The following RAP1B variants were observed in gnomAD, a reference collection of about 807,000 sequenced individuals.
RAP1B encodes RAP1B, member of RAS oncogene family, also known as ras-related protein Rap-1b.
In RAP1B, 1 loss-of-function variant was observed where a neutral mutation model predicts 27.5. That is an observed-to-expected ratio of 0.04 (90% CI 0.01 to 0.17). The LOEUF (loss-of-function observed/expected upper bound fraction) is 0.17, where lower values mean the gene tolerates loss of function less well. Ranked by LOEUF, RAP1B falls within the 10% of genes least tolerant of loss-of-function variation. RAP1B has a pLI of 1.00. For missense variants in RAP1B, 84 were observed against 214.8 expected, an observed-to-expected ratio of 0.39 and a Z score of 3.81; for synonymous variants, 75 against 73.1, an observed-to-expected ratio of 1.03 and a Z score of -0.13.
chr12:68,626,364 T>C (rs1871779824), intron 1 of RAP1B, among the ~76,000 whole-genome samples: 1 of 152,232 alleles, frequency 6.6e-6, no homozygotes, highest in Admixed American at 6.5e-5. Context: ...GTGAAAGTAG[T>C]TATTTTCCCT....
At chr12:68,626,880 A>T in intron 1 of RAP1B, 1 of 1,576,540 alleles carries the variant, frequency 6.3e-7, no homozygotes, top group Non-Finnish European at 8.6e-7. Context: ...TCATGAGTGC[A>T]GGGCCCGCCA....
At chr12:68,656,084 T>C (rs1038478155) in intron 5 of RAP1B, among the ~76,000 whole-genome samples, 9 of 152,170 alleles carry the variant, frequency 5.9e-5, no homozygotes. Context: ...CGTTTGCATC[T>C]CCATGAAAAG....
intron 7 of RAP1B, among the ~76,000 whole-genome samples, chr12:68,658,745 T>C (rs1266103853): frequency 6.6e-6 from 1 of 152,212 alleles, no homozygotes. Context: ...ATGAAATAAA[T>C]TCTATTTGTC....
chr12:68,618,315 C>T (rs1871166044), intron 1 of RAP1B, among the ~76,000 whole-genome samples: 1 of 151,642 alleles, frequency 6.6e-6, no homozygotes, highest in East Asian at 2.0e-4. Context: ...GTCTCGAACT[C>T]CTCACCTTGT....
intron 1 of RAP1B, among the ~76,000 whole-genome samples, chr12:68,642,020 TAA>T (rs1177965299): frequency 6.6e-6 from 1 of 152,214 alleles, no homozygotes; most frequent in Admixed American, 6.5e-5. Context: ...TTGATAACAT[TAA>T]GTTCATTTCG....
chr12:68,651,485 A>G (rs1873811641), intron 3 of RAP1B, among the ~76,000 whole-genome samples: 1 of 152,178 alleles, frequency 6.6e-6, no homozygotes, highest in Non-Finnish European at 1.5e-5. Context: ...GAAATATTAG[A>G]TGGAAAGGGG....
intron 2 of RAP1B, 56 bp downstream of exon 2, chr12:68,648,837 G>T (rs1323359120): frequency 1.7e-5 from 25 of 1,471,984 alleles, no homozygotes; most frequent in Non-Finnish European, 2.1e-5. Flanking sequence ...TTTTTCTGTT[G>T]AGTTTTAGGT....
intron 3 of RAP1B, among the ~76,000 whole-genome samples, chr12:68,651,131 TG>T (rs1393480235): frequency 6.6e-6 from 1 of 152,250 alleles, no homozygotes; most frequent in South Asian, 2.1e-4. Context: ...TGTAGCGTGA[TG>T]TTCCACACAT....
chr12:68,627,443 G>C, intron 1 of RAP1B: 2 of 389,664 alleles, frequency 5.1e-6, no homozygotes, highest in South Asian at 5.6e-5. Context: ...ACTAATAATA[G>C]TGTTAGGAGT....
chr12:68,657,213 G>C lies in RAP1B; in HGVS notation c.*26G>C. On this transcript the variant is annotated 3_prime_UTR_variant, in exon 7 of 8. Coordinates refer to ENST00000250559, the MANE Select transcript of RAP1B (RefSeq NM_001010942.3). ...TATACTAAATGCATTGTAGCTCTGAGCCAGGTATGTTCACTTATCTTTCCT... is the reference window on the plus strand; with the variant it reads ...TATACTAAATGCATTGTAGCTCTGACCCAGGTATGTTCACTTATCTTTCCT... 6.4e-7 allele frequency: 1 copy of C among 1,565,762 alleles called. No homozygotes were observed. Among genetic ancestry groups the C allele is most frequent in the Non-Finnish European group, 8.8e-7 (1 of 1,137,272 alleles).
intron 1 of RAP1B, among the ~76,000 whole-genome samples, chr12:68,640,097 C>T (rs976309934): frequency 2.6e-5 from 4 of 152,096 alleles, no homozygotes; most frequent in Non-Finnish European, 5.9e-5. Flanking sequence ...CCTCAGCCTC[C>T]CAGAGTGCTG....
chr12:68,637,129 CTT>C (rs931863526), intron 1 of RAP1B, among the ~76,000 whole-genome samples: 2 of 152,154 alleles, frequency 1.3e-5, no homozygotes, highest in African/African-American at 4.8e-5. Context: ...AATTATTAGT[CTT>C]TATTCAGCAA....
At chr12:68,620,082 G>T (rs1871286464) in intron 1 of RAP1B, among the ~76,000 whole-genome samples, 3 of 151,468 alleles carry the variant, frequency 2.0e-5, no homozygotes, top group Admixed American at 2.0e-4. Flanking sequence ...TTTGACCTGA[G>T]AATTTGGTGT....
chr12:68,627,177 G>C, intron 1 of RAP1B: 2 of 1,552,826 alleles, frequency 1.3e-6, no homozygotes, highest in East Asian at 4.5e-5. Context: ...TCGCATGCCT[G>C]TTTGGAACCT....
At chr12:68,654,850 C>T (rs550535080) in intron 5 of RAP1B, among the ~76,000 whole-genome samples, 19 of 152,284 alleles carry the variant, frequency 1.2e-4, no homozygotes, top group Admixed American at 1.1e-3. Flanking sequence ...CTAAATATAG[C>T]AGTGGTTCTC....
At chr12:68,649,433 TGTC>T (rs1873655390) in intron 2 of RAP1B, 3 of 152,210 alleles carry the variant, frequency 2.0e-5, no homozygotes, top group African/African-American at 7.2e-5. Context: ...TACCTTTGAC[TGTC>T]CAGCTTTACA....
chr12:68,618,966 T>C (rs780250565), intron 1 of RAP1B, among the ~76,000 whole-genome samples: 1 of 149,838 alleles, frequency 6.7e-6, no homozygotes, highest in Non-Finnish European at 1.5e-5. Flanking sequence ...AAAAAGTTAG[T>C]GTGGTCATGC....
chr12:68,632,143 T>TG (rs1565662928), intron 1 of RAP1B, among the ~76,000 whole-genome samples: 5 of 134,952 alleles, frequency 3.7e-5, no homozygotes, highest in Admixed American at 7.4e-5. Context: ...TTTTTTTTTT[T>TG]TTGTTTGTTT....
intron 4 of RAP1B, among the ~76,000 whole-genome samples, chr12:68,652,660 T>A (rs748990455): frequency 6.7e-6 from 1 of 150,218 alleles, no homozygotes; most frequent in Admixed American, 6.6e-5. Context: ...ACTAAAAATA[T>A]AAAAAAAATT....
Sources: allele counts gnomAD v4.1 joint callset (sites outside exome capture counted in the v4.1 genomes callset), GRCh38; gene constraint gnomAD v4.1.1; transcripts MANE v1.5; gene names NCBI Gene and HGNC (gene_info 2026-07-23, HGNC 2026-07-21).